The following DNM2 variants were observed in gnomAD, a reference collection of about 807,000 sequenced individuals.
DNM2 encodes the protein dynamin 2, also known as dynamin-2.
A neutral mutation model predicts 99.0 loss-of-function variants in DNM2; 15 were observed. The observed-to-expected ratio is 0.15, with a 90% CI of 0.10 to 0.23. The LOEUF is 0.23. Ranked by LOEUF, DNM2 falls within the 10% of genes least tolerant of loss-of-function variation. The pLI, the probability that DNM2 is intolerant of heterozygous loss-of-function variation, is 1.00. For missense variants in DNM2, 742 were observed against 1,189.4 expected (o/e 0.62, Z 5.53); for synonymous variants, 525 against 481.2 (o/e 1.09, Z -1.19).
At chr19:10,788,236 A>C (rs1029222503) in intron 7 of DNM2, among the ~76,000 whole-genome samples, 1 of 151,352 alleles carries the variant, frequency 6.6e-6, no homozygotes, top group Non-Finnish European at 1.5e-5. Context: ...CCGTCTCAAA[A>C]AAAAAAAAAA....
intron 1 of DNM2, among the ~76,000 whole-genome samples, chr19:10,722,124 G>T (rs973893530): frequency 6.6e-6 from 1 of 152,146 alleles, no homozygotes; most frequent in African/African-American, 2.4e-5. Context: ...GGTGGCTGTT[G>T]TTGTAATCAG....
intron 11 of DNM2, among the ~76,000 whole-genome samples, 185 bp from the exon 12 acceptor site, chr19:10,802,101 GCT>G (rs2146060046): frequency 6.6e-6 from 1 of 152,160 alleles, no homozygotes; most frequent in Non-Finnish European, 1.5e-5. Flanking sequence ...GCGTGGCTGT[GCT>G]CTGTTGTCCC....
At position 10,825,170 on chromosome 19, in the gene DNM2, G is replaced by A. The variant is rs758689234; in HGVS notation, c.2007G>A (p.Lys669=). ...LVDSYVAIIN[K]SIRDLMPKTI... is the part of the protein sequence containing the mutation. Reference sequence around the variant, plus strand: ...ACTCATACGTGGCCATCATCAACAAGTCCATCCGCGACCTCATGCCAAAGA... The same window carrying A: ...ACTCATACGTGGCCATCATCAACAAATCCATCCGCGACCTCATGCCAAAGA... The change falls in exon 18 of 21, where the codon AAG becomes AAA. Residue 669 remains lysine (K), a synonymous_variant. Transcript: ENST00000389253. 6.2e-7 allele frequency: 1 copy of A among 1,614,214 alleles called. No homozygotes were observed. The highest frequency in any genetic ancestry group is 8.5e-7 in the Non-Finnish European group (1 of 1,180,046).
At chr19:10,758,823 C>G (rs1469067427) in intron 1 of DNM2, among the ~76,000 whole-genome samples, 1 of 152,184 alleles carries the variant, frequency 6.6e-6, no homozygotes, top group Non-Finnish European at 1.5e-5. Context: ...GCTGAGGTTA[C>G]AGGCCTGTGC....
At chr19:10,730,941 CAA>C (rs2069291045) in intron 1 of DNM2, among the ~76,000 whole-genome samples, 1 of 152,204 alleles carries the variant, frequency 6.6e-6, no homozygotes, top group Admixed American at 6.5e-5. Context: ...GGGCGGTAGA[CAA>C]GAGGCCAGCA....
intron 1 of DNM2, among the ~76,000 whole-genome samples, chr19:10,756,593 C>CA (rs1444414133): frequency 6.6e-6 from 1 of 152,156 alleles, no homozygotes; most frequent in Non-Finnish European, 1.5e-5. Context: ...GGCTCTTTGT[C>CA]ATCCTCAGGA....
chr19:10,791,419 T>C (rs1445053841), intron 7 of DNM2, among the ~76,000 whole-genome samples: 1 of 152,138 alleles, frequency 6.6e-6, no homozygotes, highest in African/African-American at 2.4e-5. Context: ...ACACCAGTTA[T>C]ATTGGCTATG....
chr19:10,800,103 C>T (rs1295182974), intron 11 of DNM2, among the ~76,000 whole-genome samples: 7 of 152,156 alleles, frequency 4.6e-5, no homozygotes, highest in African/African-American at 1.7e-4. Flanking sequence ...ATGATCCACC[C>T]ACCTCAGCCT....
At chr19:10,725,541 G>C (rs746286971) in intron 1 of DNM2, among the ~76,000 whole-genome samples, 1 of 152,052 alleles carries the variant, frequency 6.6e-6, no homozygotes, top group Non-Finnish European at 1.5e-5. Context: ...CAGTCCAGAG[G>C]GATCTGTGGG....
rs563196286 is a variant in DNM2, at chr19:10,791,896, T to C, written c.993-1824T>C. ...AGGTCAGGAGATTGAGAGACCAGCC[T>C]GGCCAACATGCCGAAACCCCATTTC... On this transcript the variant is annotated intron_variant, in intron 7 of 20. Transcript: ENST00000389253. Among the ~76,000 whole-genome samples the C allele has an allele frequency of 5.2e-4, 79 of 152,282 alleles. 1 individual carries two copies. The highest frequency in any genetic ancestry group is 1.8e-3 in the African/African-American group (74 of 41,552).
intron 9 of DNM2, 48 bp from the exon 10 acceptor site, chr19:10,797,332 C>A (rs1274729522): frequency 1.9e-6 from 3 of 1,608,008 alleles, no homozygotes; most frequent in Non-Finnish European, 2.5e-6. Context: ...GTGGCCTGCA[C>A]TGTCCCTGGG....
At chr19:10,793,907 C>T in intron 8 of DNM2, 52 bp downstream of exon 8, 3 of 1,613,578 alleles carry the variant, frequency 1.9e-6, no homozygotes, top group Non-Finnish European at 2.5e-6. Context: ...CACCCTCCTG[C>T]TGGCCTCAAG....
At chr19:10,819,769 C>T (rs1177035880) in intron 15 of DNM2, among the ~76,000 whole-genome samples, 2 of 152,106 alleles carry the variant, frequency 1.3e-5, no homozygotes, top group Non-Finnish European at 2.9e-5. Flanking sequence ...GGTAGGAACC[C>T]AGGTGGGATA....
Position 10,820,145 on chromosome 19 carries a change from A to G in DNM2, c.1781+56A>G, listed in dbSNP as rs2072925902. 2 of 1,530,228 alleles carry G rather than the reference A, an allele frequency of 1.3e-6. No individual in the cohort carries two copies. The highest frequency in any genetic ancestry group is 1.4e-5 in the African/African-American group (1 of 73,194). 94.8% of individuals were successfully genotyped at this position (1,530,228 alleles called of 1,614,324 possible). On this transcript the variant is annotated intron_variant, in intron 16 of 20. Transcript: ENST00000389253. The surrounding 1 kb of genome is among the most constrained non-coding windows in gnomAD (Gnocchi z 4.3). Reference sequence around the variant, plus strand: ...GGGGTGAAGACCAATGGCCTCATTCACACTCCACAACCTTCACTGAGCACT... The same window carrying G: ...GGGGTGAAGACCAATGGCCTCATTCGCACTCCACAACCTTCACTGAGCACT...
intron 1 of DNM2, among the ~76,000 whole-genome samples, chr19:10,758,407 CTCCT>C (rs2070486248): frequency 2.9e-5 from 1 of 34,258 alleles, no homozygotes; most frequent in Non-Finnish European, 6.0e-5. Flanking sequence ...CCTTCCTTCC[CTCCT>C]TCCTTCCCTC....
chr19:10,828,774 CT>C (rs998861579), intron 18 of DNM2, among the ~76,000 whole-genome samples: 2 of 151,458 alleles, frequency 1.3e-5, no homozygotes, highest in African/African-American at 4.9e-5. Flanking sequence ...AATTACAAAA[CT>C]TAGCCAAGCA....
intron 1 of DNM2, among the ~76,000 whole-genome samples, chr19:10,749,038 A>G (rs2070099424): frequency 6.6e-6 from 1 of 152,172 alleles, no homozygotes; most frequent in Non-Finnish European, 1.5e-5. Context: ...TGTGCTGAGC[A>G]TATGGTGACA....
intron 7 of DNM2, among the ~76,000 whole-genome samples, chr19:10,789,833 T>C (rs1568302194): frequency 6.6e-6 from 1 of 152,108 alleles, no homozygotes; most frequent in Non-Finnish European, 1.5e-5. Flanking sequence ...AGACTGTATC[T>C]CAAAAATAAA....
In DNM2 at chr19:10,759,247, C is replaced by T. The variant is rs116874885; in HGVS notation, c.162-491C>T. ...TTCATCACCCCAGAAAGCTCCTTCC[C>T]CTCCATTGGCAGTCACCCCCGTTCC... is the stretch of plus-strand genomic sequence containing the variant. On this transcript the variant is annotated intron_variant, in intron 1 of 20. Coordinates refer to ENST00000389253, the MANE Select transcript of DNM2 (RefSeq NM_001005361.3). 6.1e-3 allele frequency among the ~76,000 whole-genome samples: 927 copies of T among 152,272 alleles called. 8 individuals carry two copies. The highest frequency in any genetic ancestry group is 0.01 in the Non-Finnish European group (692 of 68,026).
Sources: gnomAD v4.1 joint callset for allele counts (sites outside exome capture counted in the v4.1 genomes callset) on GRCh38, gnomAD v4.1.1 for gene constraint, Gnocchi (gnomAD v3.1) non-coding constraint, MANE v1.5 for transcripts, NCBI Gene and HGNC (gene_info 2026-07-23, HGNC 2026-07-21) for gene names.